The following WWOX variants were observed in gnomAD, a reference collection of about 807,000 sequenced individuals.
WWOX encodes the protein WW domain containing oxidoreductase, also known as WW domain-containing oxidoreductase.
In WWOX, 69 loss-of-function variants were observed where a neutral mutation model predicts 46.2. The ratio of observed to expected loss-of-function variants is 1.49; its 90% confidence interval spans 1.23 to 1.82. The LOEUF is 1.82. Ranked by LOEUF, WWOX falls within the 40% of genes most tolerant of loss-of-function variation. The pLI is 0.00. For synonymous variants in WWOX, 359 were observed against 202.6 expected, an observed-to-expected ratio of 1.77 and a Z score of -6.56; for missense variants, 919 against 542.6, an observed-to-expected ratio of 1.69 and a Z score of -6.89.
chr16:78,747,322 G>A (rs2049372264), intron 8 of WWOX, among the ~76,000 whole-genome samples: 1 of 151,228 alleles, frequency 6.6e-6, no homozygotes, highest in Non-Finnish European at 1.5e-5. Flanking sequence ...CTCCCAAATT[G>A]CTGAGAGTAC....
At chr16:78,312,673 C>T (rs1046497889) in intron 5 of WWOX, among the ~76,000 whole-genome samples, 3 of 152,208 alleles carry the variant, frequency 2.0e-5, no homozygotes, top group Non-Finnish European at 4.4e-5. Flanking sequence ...CTGTGCCTGG[C>T]TGGTTGTAGG....
chr16:78,953,444 C>A (rs1165988957), intron 8 of WWOX, among the ~76,000 whole-genome samples: 1 of 150,542 alleles, frequency 6.6e-6, no homozygotes. Flanking sequence ...CATCAACAGT[C>A]CCTTTAGGAC....
chr16:78,826,349 A>T (rs1190245015), intron 8 of WWOX, among the ~76,000 whole-genome samples: 1 of 152,188 alleles, frequency 6.6e-6, no homozygotes, highest in Non-Finnish European at 1.5e-5. Flanking sequence ...TCAGTCTCAA[A>T]ACAACAGCAA....
chr16:79,138,515 T>C (rs2050026728), intron 8 of WWOX, among the ~76,000 whole-genome samples: 1 of 152,192 alleles, frequency 6.6e-6, no homozygotes, highest in Admixed American at 6.5e-5. Flanking sequence ...CACTGTGCCA[T>C]AGACAGGTTA....
intron 8 of WWOX, among the ~76,000 whole-genome samples, chr16:78,678,313 C>G (rs1567484164): frequency 6.6e-6 from 1 of 152,170 alleles, no homozygotes; most frequent in African/African-American, 2.4e-5. Flanking sequence ...GAGGTCAAGG[C>G]TGCAGTAGGG....
chr16:78,713,267 C>G lies in WWOX; in HGVS notation c.1056+280515C>G, dbSNP rs1358933655. 1.1e-4 allele frequency among the ~76,000 whole-genome samples: 11 copies of G among 101,262 alleles called. No homozygotes were observed. In the East Asian group the frequency reaches 1.1e-3, roughly 11 times the overall value. 66.4% of individuals were successfully genotyped at this position (101,262 alleles called of 152,430 possible). ...TTAGCCTGGGTGACAAAGTGAGACT[C>G]TGTCTCAAAAAAAAAAAAAAAAAAA... On this transcript the variant is annotated intron_variant, in intron 8 of 8. Coordinates refer to ENST00000566780, the MANE Select transcript of WWOX (RefSeq NM_016373.4).
chr16:78,462,430 G>A (rs899526660), intron 8 of WWOX, among the ~76,000 whole-genome samples: 7 of 152,166 alleles, frequency 4.6e-5, no homozygotes, highest in South Asian at 2.1e-4. Context: ...AATTTGCAGC[G>A]CACTTGCCAG....
intron 8 of WWOX, among the ~76,000 whole-genome samples, chr16:78,795,665 T>A (rs1393448281): frequency 1.3e-5 from 2 of 152,212 alleles, no homozygotes; most frequent in Non-Finnish European, 2.9e-5. Context: ...TATTTTTTTA[T>A]TAACATACAC....
At chr16:79,070,874 A>G (rs1314682435) in intron 8 of WWOX, among the ~76,000 whole-genome samples, 1 of 152,154 alleles carries the variant, frequency 6.6e-6, no homozygotes, top group Non-Finnish European at 1.5e-5. Flanking sequence ...TGTTGACTAT[A>G]TTCTCCACAG....
chr16:78,179,477 T>C (rs958361388), intron 5 of WWOX, among the ~76,000 whole-genome samples: 1 of 152,194 alleles, frequency 6.6e-6, no homozygotes, highest in African/African-American at 2.4e-5. Flanking sequence ...TAATTAATTA[T>C]AGTTAATAAT....
chr16:78,796,530 A>T (rs2050742505), intron 8 of WWOX, among the ~76,000 whole-genome samples: 1 of 152,260 alleles, frequency 6.6e-6, no homozygotes, highest in Non-Finnish European at 1.5e-5. Flanking sequence ...GTTTTCAGTG[A>T]ACACATTGCC....
chr16:78,319,149 A>T (rs752007115), intron 5 of WWOX, among the ~76,000 whole-genome samples: 2 of 152,056 alleles, frequency 1.3e-5, no homozygotes, highest in Non-Finnish European at 1.5e-5. Flanking sequence ...ACCGCCACAC[A>T]TTGCTGGCTT....
At chr16:78,769,948 G>C (rs9930178) in intron 8 of WWOX, among the ~76,000 whole-genome samples, 69,318 of 151,976 alleles carry the variant, frequency 0.46, 16,532 homozygotes, top group Middle Eastern at 0.59. Flanking sequence ...GCAGGCTGAA[G>C]CAGGAGGATC....
At chr16:79,137,483 AG>A (rs1285370130) in intron 8 of WWOX, among the ~76,000 whole-genome samples, 1 of 152,192 alleles carries the variant, frequency 6.6e-6, no homozygotes, top group Non-Finnish European at 1.5e-5. Flanking sequence ...GATTCTCTTC[AG>A]GTAGTTTCCT....
chr16:78,646,397 C>A (rs2046844299), intron 8 of WWOX, among the ~76,000 whole-genome samples: 1 of 152,112 alleles, frequency 6.6e-6, no homozygotes, highest in East Asian at 1.9e-4. Flanking sequence ...CCCTTCTTTC[C>A]TTAGCCTCCT....
chr16:78,818,874 G>T (rs1034057598), intron 8 of WWOX, among the ~76,000 whole-genome samples: 5 of 152,212 alleles, frequency 3.3e-5, no homozygotes, highest in Non-Finnish European at 2.9e-5. Context: ...CTGAGAGAGG[G>T]AATGTAAAGT....
At chr16:78,805,418 G>C (rs546818342) in intron 8 of WWOX, among the ~76,000 whole-genome samples, 1 of 124,972 alleles carries the variant, frequency 8.0e-6, no homozygotes, top group African/African-American at 3.4e-5. Context: ...CCGCCACCTC[G>C]CCTGGCTAAT....
intron 8 of WWOX, among the ~76,000 whole-genome samples, chr16:78,867,995 A>C (rs2044043437): frequency 6.6e-6 from 1 of 152,208 alleles, no homozygotes; most frequent in Admixed American, 6.5e-5. Flanking sequence ...TAAAAAGTTA[A>C]ACACACACAT....
intron 8 of WWOX, among the ~76,000 whole-genome samples, chr16:78,742,371 C>T (rs2049250496): frequency 6.6e-6 from 1 of 152,200 alleles, no homozygotes; most frequent in Admixed American, 6.5e-5. Context: ...ACTTCTAGCT[C>T]TGGCTCAGGT....
Sources: gnomAD v4.1 joint callset for allele counts (sites outside exome capture counted in the v4.1 genomes callset) on GRCh38, gnomAD v4.1.1 for gene constraint, MANE v1.5 for transcripts, NCBI Gene and HGNC (gene_info 2026-07-23, HGNC 2026-07-21) for gene names.